Variants in C1QC observed in about 807,000 individuals in gnomAD.
C1QC encodes the protein complement C1q C chain.
C1QC carries 4 observed loss-of-function variants against 5.9 expected under a neutral mutation model. The ratio of observed to expected loss-of-function variants is 0.68; its 90% CI spans 0.33 to 1.55. The LOEUF (loss-of-function observed/expected upper bound fraction) is 1.55. Ranked by LOEUF, C1QC falls within the 40% of genes most tolerant of loss-of-function variation. C1QC has a pLI of 0.06. For missense variants in C1QC, 299 were observed against 326.9 expected (o/e 0.91, Z 0.66); for synonymous variants, 166 against 153.8 (o/e 1.08, Z -0.59).
chr1:22,643,875 C>T, intron 1 of C1QC, 136 bp from the exon 2 acceptor site: 1 of 1,376,068 alleles, frequency 7.3e-7, no homozygotes, highest in Non-Finnish European at 9.5e-7. Context: ...AAGGCCCCAC[C>T]ATCCATCCAT....
At position 22,647,352 on chromosome 1, in the gene C1QC, G is replaced by A; in HGVS notation, c.307G>A (p.Gly103Ser). 1 of 1,614,026 alleles carries A rather than the reference G, an allele frequency of 6.2e-7. No individual in the cohort carries two copies. Among genetic ancestry groups the A allele is most frequent in the South Asian group, 1.1e-5 (1 of 91,082 alleles). ...GATGCCAGGGGTGCCCGGCCCCATG[G>A]GCATCCCTGGAGAGCCAGGTGAGGA... ...PGMPGVPGPM[G>S]IPGEPGEEGR... Residue 103 changes from glycine (G) to serine (S), a missense_variant, in exon 3 of 3, where the codon GGC becomes AGC. Physicochemically the swap from Gly to Ser is moderately conservative, Grantham distance 56. Around this residue, in one of 3 missense-constraint regions of C1QC, gnomAD observed 146 missense variants for 144.1 expected, o/e 1.01. Coordinates refer to ENST00000374640, the MANE Select transcript of C1QC (RefSeq NM_172369.5).
In C1QC at chr1:22,648,040, C is replaced by CTT. The variant is rs10601144; in HGVS notation, c.*272_*273dup. ...ACCAATGCCTTCTGGTACTGCCATT[C>CTT]TTTTTTTTTTTTTTTTCAAGTATTG... is the stretch of plus-strand genomic sequence containing the variant. On this transcript the variant is annotated 3_prime_UTR_variant, in exon 3 of 3. Coordinates refer to ENST00000374640, the MANE Select transcript of C1QC (RefSeq NM_172369.5). The CTT allele has an allele frequency of 8.9e-4, 318 of 357,336 alleles. No homozygotes were observed. The highest frequency in any genetic ancestry group is 1.8e-3 in the East Asian group (34 of 18,608). The allele number at this position is 357,336 out of a possible 1,614,324, so 22.1% of individuals were successfully genotyped here.
intron 2 of C1QC, among the ~76,000 whole-genome samples, chr1:22,645,666 C>T (rs1480818382): frequency 6.6e-6 from 1 of 152,218 alleles, no homozygotes; most frequent in Non-Finnish European, 1.5e-5. Context: ...GAGCACGCTT[C>T]CTATGGTGTG....
Position 22,647,416 on chromosome 1 carries a change from T to C in C1QC, c.371T>C (p.Val124Ala). Residue 124 changes from valine to alanine, a missense_variant, in exon 3 of 3, where the codon GTC (valine) becomes GCC (alanine). By Grantham distance (64) the Val-to-Ala change is moderately conservative (BLOSUM62 0). Around this residue, in one of 3 missense-constraint regions of C1QC, gnomAD observed 9 missense variants for 27.7 expected, o/e 0.32. Coordinates refer to ENST00000374640, the MANE Select transcript of C1QC (RefSeq NM_172369.5). ...CAGAAATTCCAGTCAGTGTTCACGG[T>C]CACTCGGCAGACCCACCAGCCCCCT... The part of the protein sequence containing the change: ...YKQKFQSVFT[V>A]TRQTHQPPAP... 1.2e-6 allele frequency: 2 copies of C among 1,613,968 alleles called. No individual in the cohort carries two copies. Among genetic ancestry groups the C allele is most frequent in the South Asian group, 2.2e-5 (2 of 91,072 alleles).
chr1:22,644,251 C>G (rs774234700), intron 2 of C1QC, 47 bp downstream of exon 2: 3 of 1,511,362 alleles, frequency 2.0e-6, no homozygotes, highest in African/African-American at 2.7e-5. Flanking sequence ...GGGCAGGGAT[C>G]AGAGTGTCTG....
At chr1:22,646,748 C>T (rs1396548442) in intron 2 of C1QC, among the ~76,000 whole-genome samples, 1 of 152,214 alleles carries the variant, frequency 6.6e-6, no homozygotes, top group Non-Finnish European at 1.5e-5. Context: ...TGCCTCTGAC[C>T]AACCTTCTGA....
chr1:22,643,993 C>T lies in C1QC; in HGVS notation c.-13-18C>T. On this transcript the variant is annotated intron_variant, in intron 1 of 2. Transcript: ENST00000374640. Reference sequence around the variant, plus strand: ...AGGTGAGGGGCTGGCGGGGACAGCTCAGCTCTCTCCCTCCCAGTTCCTTCT... The same window carrying T: ...AGGTGAGGGGCTGGCGGGGACAGCTTAGCTCTCTCCCTCCCAGTTCCTTCT... 1.3e-6 allele frequency: 2 copies of T among 1,588,680 alleles called. No individual in the cohort carries two copies. The highest frequency in any genetic ancestry group is 1.7e-6 in the Non-Finnish European group (2 of 1,169,442).
intron 2 of C1QC, 34 bp from the exon 3 acceptor site, chr1:22,647,193 C>A: frequency 6.3e-7 from 1 of 1,598,804 alleles, no homozygotes; most frequent in Non-Finnish European, 8.5e-7. Context: ...TGTCCCCCAC[C>A]CTATCACTTT....
intron 2 of C1QC, among the ~76,000 whole-genome samples, chr1:22,644,867 G>C (rs1642342992): frequency 6.6e-6 from 1 of 152,154 alleles, no homozygotes; most frequent in African/African-American, 2.4e-5. Flanking sequence ...GTGGGGAGTA[G>C]GAGGTCAGGA....
chr1:22,645,639 G>C (rs142980466), intron 2 of C1QC, among the ~76,000 whole-genome samples: 1 of 152,184 alleles, frequency 6.6e-6, no homozygotes. Context: ...CAGCCATCAC[G>C]AGGACCAGAC....
At chr1:22,645,683 A>T (rs1354897411) in intron 2 of C1QC, among the ~76,000 whole-genome samples, 1 of 152,170 alleles carries the variant, frequency 6.6e-6, no homozygotes, top group African/African-American at 2.4e-5. Context: ...TGTGCCTGGC[A>T]CAGTGCCTGT....
At chr1:22,643,976 G>C (rs751420422) in intron 1 of C1QC, 35 bp from the exon 2 acceptor site, 31 of 1,572,326 alleles carry the variant, frequency 2.0e-5, no homozygotes, top group Non-Finnish European at 2.6e-5. Context: ...GCAGGTGAGG[G>C]GCTGGCGGGG....
At position 22,647,859 on chromosome 1, in the gene C1QC, G is replaced by A; in HGVS notation, c.*76G>A. 8 of 1,580,112 alleles carry A rather than the reference G, an allele frequency of 5.1e-6. No homozygotes were observed. Among genetic ancestry groups the A allele is most frequent in the Non-Finnish European group, 6.9e-6 (8 of 1,167,208 alleles). ...CTGCATGGACCCACCTTACTGGCCA[G>A]TCTGCATCCTTGCCTAGACCATTCT... On this transcript the variant is annotated 3_prime_UTR_variant, in exon 3 of 3. Transcript: ENST00000374640.
rs369483389 is a variant in C1QC at position 22,646,660 on chromosome 1, GA to G, written c.182-560del. ...CTCTATATTTCAAAATAAAAAAGTTGAAAAAAATCAGAAATACAAAATTAGG... is the reference window on the plus strand; with the variant it reads ...CTCTATATTTCAAAATAAAAAAGTTGAAAAAATCAGAAATACAAAATTAGG... On this transcript the variant is annotated intron_variant, in intron 2 of 2. Transcript: ENST00000374640. Among the ~76,000 whole-genome samples, 282 of 152,204 alleles carry G rather than the reference GA, an allele frequency of 1.9e-3. 1 individual carries two copies. The highest frequency in any genetic ancestry group is 6.5e-3 in the African/African-American group (271 of 41,536).
At chr1:22,645,218 G>A (rs538726985) in intron 2 of C1QC, among the ~76,000 whole-genome samples, 16 of 152,080 alleles carry the variant, frequency 1.1e-4, no homozygotes, top group Admixed American at 2.6e-4. Flanking sequence ...GTGAGCTTAG[G>A]GTGAGCTCAA....
At position 22,646,962 on chromosome 1, in the gene C1QC, T is replaced by C. The variant is rs559871022; in HGVS notation, c.182-265T>C. Among the ~76,000 whole-genome samples the C allele has an allele frequency of 3.3e-5, 5 of 152,268 alleles. No homozygotes were observed. The East Asian group carries it at 9.7e-4, about 29-fold the overall frequency. ...CTCCCTACTTGCTTCATCACAAATG[T>C]GGAAACTGAGGCCAAGAGACAGGGA... On this transcript the variant is annotated intron_variant, in intron 2 of 2. Transcript: ENST00000374640.
At chr1:22,644,485 G>A (rs1372079697) in intron 2 of C1QC, among the ~76,000 whole-genome samples, 2 of 152,190 alleles carry the variant, frequency 1.3e-5, no homozygotes, top group Non-Finnish European at 2.9e-5. Flanking sequence ...CCCCAAAGGT[G>A]GCCAGGAGGC....
At chr1:22,645,662 G>A (rs571859965) in intron 2 of C1QC, among the ~76,000 whole-genome samples, 2 of 152,326 alleles carry the variant, frequency 1.3e-5, no homozygotes, top group South Asian at 2.1e-4. Flanking sequence ...TCCAGAGCAC[G>A]CTTCCTATGG....
rs1294747334 is a variant in C1QC at position 22,643,653 on chromosome 1, TG to T, written c.-72del. 5 of 1,063,862 alleles carry T rather than the reference TG, an allele frequency of 4.7e-6. No individual in the cohort carries two copies. The highest frequency in any genetic ancestry group is 3.4e-6 in the Non-Finnish European group (3 of 881,148). The allele number at this position is 1,063,862 out of a possible 1,614,324, so 65.9% of individuals were successfully genotyped here. On this transcript the variant is annotated 5_prime_UTR_variant, in exon 1 of 3. Transcript: ENST00000374640. ...CACTCAGACACCGTGTCCTCTTGCC[TG>T]GGAGAGGGGAAGCAGATCTGAGGAC...
Sources: allele counts gnomAD v4.1 joint callset (sites outside exome capture counted in the v4.1 genomes callset), GRCh38; gene constraint gnomAD v4.1.1; regional missense constraint gnomAD v4.1.1; transcripts MANE v1.5; gene names NCBI Gene and HGNC (gene_info 2026-07-23, HGNC 2026-07-21).